The following HMCN1 variants were observed in gnomAD, a reference collection of about 807,000 sequenced individuals.
HMCN1 encodes hemicentin-1.
In HMCN1, 321 loss-of-function variants were observed where a neutral mutation model predicts 625.9. The observed-to-expected ratio is 0.51, with a 90% CI of 0.47 to 0.56. The LOEUF (loss-of-function observed/expected upper bound fraction) is 0.56. Ranked by LOEUF, HMCN1 falls within the 20% of genes least tolerant of loss-of-function variation. HMCN1 has a pLI of 0.00. For missense variants in HMCN1, 6,588 were observed against 6,887.3 expected, an observed-to-expected ratio of 0.96 and a Z score of 1.54; for synonymous variants, 2,425 against 2,417.6, an observed-to-expected ratio of 1.00 and a Z score of -0.09.
intron 1 of HMCN1, among the ~76,000 whole-genome samples, chr1:185,789,767 C>T (rs1430362285): frequency 1.3e-5 from 2 of 152,158 alleles, no homozygotes; most frequent in African/African-American, 4.8e-5. Context: ...TTTTCAGAGC[C>T]AGTTTTATTA....
chr1:185,748,634 A>C (rs1654592359), intron 1 of HMCN1, among the ~76,000 whole-genome samples: 1 of 152,226 alleles, frequency 6.6e-6, no homozygotes, highest in Non-Finnish European at 1.5e-5. Flanking sequence ...AGAATGGCAT[A>C]GGTTTTGAGT....
chr1:185,929,395 T>C (rs1667435338), intron 10 of HMCN1, among the ~76,000 whole-genome samples: 1 of 152,144 alleles, frequency 6.6e-6, no homozygotes, highest in Non-Finnish European at 1.5e-5. Context: ...AAATAATTTT[T>C]CCTCACATAA....
chr1:185,974,189 A>G (rs930509170), intron 15 of HMCN1, among the ~76,000 whole-genome samples: 6 of 152,192 alleles, frequency 3.9e-5, no homozygotes, highest in Non-Finnish European at 5.9e-5. Flanking sequence ...AGGATCAAAC[A>G]TCATCCTAAC....
intron 1 of HMCN1, among the ~76,000 whole-genome samples, chr1:185,795,347 A>T (rs1261366286): frequency 6.6e-6 from 1 of 152,230 alleles, no homozygotes; most frequent in Non-Finnish European, 1.5e-5. Context: ...GTCCTAAAAA[A>T]ATAAAGAGTC....
At chr1:185,973,320 A>G (rs1026914822) in intron 15 of HMCN1, among the ~76,000 whole-genome samples, 1 of 152,178 alleles carries the variant, frequency 6.6e-6, no homozygotes, top group Non-Finnish European at 1.5e-5. Context: ...AAATGCCTAT[A>G]TAATAGCAGC....
At chr1:186,039,142 A>C (rs1051093092) in intron 38 of HMCN1, 137 bp downstream of exon 38, 2 of 726,560 alleles carry the variant, frequency 2.8e-6, no homozygotes, top group African/African-American at 1.7e-5. Context: ...GTGTTCTAAA[A>C]CTTATAAATG....
At chr1:185,914,450 A>C (rs575897751) in intron 6 of HMCN1, among the ~76,000 whole-genome samples, 1 of 152,086 alleles carries the variant, frequency 6.6e-6, no homozygotes, top group African/African-American at 2.4e-5. Context: ...AATATGGAGA[A>C]CGATCTATCT....
intron 16 of HMCN1, among the ~76,000 whole-genome samples, chr1:185,979,726 G>T (rs1228868267): frequency 6.6e-6 from 1 of 152,178 alleles, no homozygotes; most frequent in Non-Finnish European, 1.5e-5. Flanking sequence ...ACAATTAGAT[G>T]CATATGGTTA....
chr1:185,880,332 G>C (rs1278190946), intron 4 of HMCN1, among the ~76,000 whole-genome samples: 1 of 152,196 alleles, frequency 6.6e-6, no homozygotes, highest in Non-Finnish European at 1.5e-5. Flanking sequence ...GATAATTGCA[G>C]GTAATTCCAT....
intron 99 of HMCN1, 84 bp downstream of exon 99, chr1:186,166,387 T>G: frequency 6.6e-7 from 1 of 1,518,272 alleles, no homozygotes; most frequent in Non-Finnish European, 9.0e-7. Flanking sequence ...CCCATTATCT[T>G]CTTTCCTACT....
intron 1 of HMCN1, among the ~76,000 whole-genome samples, chr1:185,735,456 C>CT (rs1553231583): frequency 6.6e-6 from 1 of 152,190 alleles, no homozygotes; most frequent in African/African-American, 2.4e-5. Flanking sequence ...AAAGCACACT[C>CT]TGAGGGTAAC....
At chr1:185,897,134 G>A (rs1188449574) in intron 4 of HMCN1, among the ~76,000 whole-genome samples, 1 of 152,128 alleles carries the variant, frequency 6.6e-6, no homozygotes, top group African/African-American at 2.4e-5. Context: ...AGGGAACACT[G>A]AATCTAAGCT....
chr1:186,082,756 A>C (rs1177074579), intron 56 of HMCN1, 109 bp from the exon 57 acceptor site: 4 of 478,824 alleles, frequency 8.4e-6, no homozygotes, highest in Non-Finnish European at 3.6e-6. Context: ...ATTTTTTTCT[A>C]TCTGGTATTA....
intron 11 of HMCN1, among the ~76,000 whole-genome samples, chr1:185,946,523 G>C (rs1280988203): frequency 1.3e-5 from 2 of 152,098 alleles, no homozygotes; most frequent in East Asian, 3.8e-4. Flanking sequence ...TGGCCTTTCT[G>C]TCTTATTTGA....
At chr1:186,178,027 A>T (rs1652707809) in intron 103 of HMCN1, among the ~76,000 whole-genome samples, 1 of 152,186 alleles carries the variant, frequency 6.6e-6, no homozygotes, top group Admixed American at 6.5e-5. Flanking sequence ...AATGTATACC[A>T]AAGTAGCTTA....
intron 100 of HMCN1, among the ~76,000 whole-genome samples, chr1:186,167,319 T>C (rs1389962011): frequency 3.3e-5 from 5 of 152,236 alleles, no homozygotes; most frequent in Admixed American, 3.3e-4. Flanking sequence ...TGTTGAATGA[T>C]GTTTTTAATA....
rs548559063 is a variant in HMCN1 at position 185,865,555 on chromosome 1, A to C, written c.499-186A>C. The stretch of plus-strand genomic sequence containing the variant: ...CCTATCTGGGTTCACTATTAAACAG[A>C]GTATAAAGTCAATAATTATATAAGC... On this transcript the variant is annotated intron_variant, in intron 3 of 106. Coordinates refer to ENST00000271588, the MANE Select transcript of HMCN1 (RefSeq NM_031935.3). Among the ~76,000 whole-genome samples the C allele has an allele frequency of 2.0e-5, 3 of 150,116 alleles. No individual in the cohort carries two copies. In the Admixed American group the frequency reaches 2.0e-4, roughly 10 times the overall value.
At chr1:186,025,341 C>G (rs930535137) in intron 36 of HMCN1, among the ~76,000 whole-genome samples, 2 of 152,176 alleles carry the variant, frequency 1.3e-5, no homozygotes, top group Admixed American at 1.3e-4. Context: ...GAGTGTATGT[C>G]TCCAGTCCTG....
chr1:186,061,721 C>T (rs1451189650), intron 46 of HMCN1, 130 bp from the exon 47 acceptor site: 6 of 502,072 alleles, frequency 1.2e-5, no homozygotes, highest in Non-Finnish European at 1.8e-5. Flanking sequence ...AAAAGCTTAA[C>T]ATAAATTCAT....
Sources: allele counts gnomAD v4.1 joint callset (sites outside exome capture counted in the v4.1 genomes callset), GRCh38; gene constraint gnomAD v4.1.1; transcripts MANE v1.5; gene names NCBI Gene and HGNC (gene_info 2026-07-23, HGNC 2026-07-21).